The following FAM13A variants were observed in gnomAD, a reference collection of about 807,000 sequenced individuals.
FAM13A encodes protein FAM13A.
In FAM13A, 76 loss-of-function variants were observed where a neutral mutation model predicts 129.6. The observed-to-expected ratio is 0.59, with a 90% CI of 0.49 to 0.71. The LOEUF (loss-of-function observed/expected upper bound fraction) is 0.71. Among genes scored for constraint, FAM13A ranks in the 30% least tolerant of loss-of-function variants. FAM13A has a pLI of 0.00. For synonymous variants in FAM13A, 443 were observed against 449.9 expected, an observed-to-expected ratio of 0.98 and a Z score of 0.20; for missense variants, 1,108 against 1,249.3, an observed-to-expected ratio of 0.89 and a Z score of 1.70.
At chr4:88,732,935 T>TTTAA (rs1178708187) in intron 21 of FAM13A, among the ~76,000 whole-genome samples, 2 of 151,854 alleles carry the variant, frequency 1.3e-5, no homozygotes, top group Non-Finnish European at 1.5e-5. Context: ...TTAGAGCCAA[T>TTTAA]TTAAGGCTAT....
intron 4 of FAM13A, among the ~76,000 whole-genome samples, chr4:88,961,534 AT>A (rs1382112560): frequency 6.6e-6 from 1 of 151,512 alleles, no homozygotes; most frequent in Non-Finnish European, 1.5e-5. Flanking sequence ...TGCCCGGCTA[AT>A]TTTTTGTATT....
intron 11 of FAM13A, among the ~76,000 whole-genome samples, chr4:88,775,933 CTTT>C (rs1721623412): frequency 6.6e-6 from 1 of 152,154 alleles, no homozygotes; most frequent in African/African-American, 2.4e-5. Context: ...AAGTAACGTG[CTTT>C]ACTTGCCATA....
At chr4:88,746,681 T>A (rs1741409018) in intron 19 of FAM13A, among the ~76,000 whole-genome samples, 2 of 152,200 alleles carry the variant, frequency 1.3e-5, no homozygotes, top group South Asian at 4.1e-4. Flanking sequence ...GGTACATTAA[T>A]GACTAAATTT....
chr4:88,835,901 A>G (rs890916352), intron 7 of FAM13A, among the ~76,000 whole-genome samples: 13 of 152,254 alleles, frequency 8.5e-5, no homozygotes, highest in Non-Finnish European at 1.5e-4. Context: ...GTACCAGTCC[A>G]TGGCCTGGGG....
At chr4:88,804,515 C>A (rs962336663) in intron 8 of FAM13A, among the ~76,000 whole-genome samples, 5 of 152,046 alleles carry the variant, frequency 3.3e-5, no homozygotes, top group Admixed American at 3.3e-4. Flanking sequence ...TGTTAATTTA[C>A]CTGCTTTAAC....
chr4:88,897,181 T>C (rs1483047235), intron 6 of FAM13A, among the ~76,000 whole-genome samples: 1 of 152,216 alleles, frequency 6.6e-6, no homozygotes, highest in African/African-American at 2.4e-5. Context: ...ACCTATGTTG[T>C]TCTACATTCT....
At chr4:88,875,958 G>A (rs1441754324) in intron 6 of FAM13A, among the ~76,000 whole-genome samples, 1 of 152,166 alleles carries the variant, frequency 6.6e-6, no homozygotes, top group Non-Finnish European at 1.5e-5. Flanking sequence ...ATACTATGCA[G>A]CCACAAAAAA....
chr4:88,924,436 A>G (rs1486980491), intron 5 of FAM13A, among the ~76,000 whole-genome samples: 1 of 152,228 alleles, frequency 6.6e-6, no homozygotes, highest in Non-Finnish European at 1.5e-5. Flanking sequence ...CAAACCTGAC[A>G]AAAACAAGAA....
chr4:88,800,544 G>T (rs575743676), intron 8 of FAM13A, among the ~76,000 whole-genome samples: 1 of 152,040 alleles, frequency 6.6e-6, no homozygotes, highest in African/African-American at 2.4e-5. Flanking sequence ...AATTAGCCAG[G>T]TGTAGTGGCG....
intron 5 of FAM13A, among the ~76,000 whole-genome samples, chr4:88,921,634 C>A (rs1751110160): frequency 6.6e-6 from 1 of 152,196 alleles, no homozygotes; most frequent in Non-Finnish European, 1.5e-5. Context: ...TAGGAAGAAA[C>A]TGCATCAACT....
intron 6 of FAM13A, among the ~76,000 whole-genome samples, chr4:88,863,280 C>A (rs1188500848): frequency 6.6e-6 from 1 of 152,138 alleles, no homozygotes; most frequent in African/African-American, 2.4e-5. Flanking sequence ...CTAATGGAAC[C>A]TCCATAAAAA....
intron 17 of FAM13A, 43 bp downstream of exon 17, chr4:88,748,909 C>CTTGTT (rs1741954052): frequency 7.2e-7 from 1 of 1,389,806 alleles, no homozygotes; most frequent in East Asian, 2.3e-5. Flanking sequence ...GATTCTGCAC[C>CTTGTT]TGGCTTGTTG....
intron 21 of FAM13A, chr4:88,736,255 C>T (rs182656762): frequency 9.8e-4 from 150 of 152,294 alleles, no homozygotes; most frequent in African/African-American, 3.6e-3. Context: ...ACAGTGAGCA[C>T]AGTCATTGCC....
chr4:88,957,652 CAGA>C (rs1412379399), intron 4 of FAM13A, among the ~76,000 whole-genome samples: 4 of 152,246 alleles, frequency 2.6e-5, no homozygotes, highest in East Asian at 1.9e-4. Context: ...TTGGAGGACA[CAGA>C]AGAAGATAGG....
At chr4:88,851,691 T>G (rs1344126095) in intron 6 of FAM13A, among the ~76,000 whole-genome samples, 1 of 152,228 alleles carries the variant, frequency 6.6e-6, no homozygotes, top group Non-Finnish European at 1.5e-5. Context: ...CCCTCTTTTG[T>G]AGGGCAAAGT....
chr4:88,920,905 T>C (rs543809336), intron 5 of FAM13A, among the ~76,000 whole-genome samples: 8 of 152,048 alleles, frequency 5.3e-5, no homozygotes, highest in Admixed American at 1.3e-4. Flanking sequence ...GTGAAGAATG[T>C]AGAAGCCTCA....
chr4:88,844,510 G>C (rs7682431), intron 7 of FAM13A, among the ~76,000 whole-genome samples: 55,163 of 151,974 alleles, frequency 0.36, 10,233 homozygotes, highest in East Asian at 0.45. Context: ...TTATACATAG[G>C]ATTATTATAA....
At chr4:88,852,978 C>T (rs940297879) in intron 6 of FAM13A, among the ~76,000 whole-genome samples, 11 of 151,940 alleles carry the variant, frequency 7.2e-5, no homozygotes, top group Non-Finnish European at 2.9e-5. Flanking sequence ...AATATATGAA[C>T]ATAATTTGGC....
chr4:89,041,102 G>A (rs561140622), intron 1 of FAM13A, among the ~76,000 whole-genome samples: 1 of 152,156 alleles, frequency 6.6e-6, no homozygotes, highest in Non-Finnish European at 1.5e-5. Context: ...TGAGTATAAG[G>A]GAGATAAAGA....
Sources: allele counts gnomAD v4.1 joint callset (sites outside exome capture counted in the v4.1 genomes callset), GRCh38; gene constraint gnomAD v4.1.1; transcripts MANE v1.5; gene names NCBI Gene and HGNC (gene_info 2026-07-23, HGNC 2026-07-21).